Variants in ROBO1 observed in about 807,000 individuals in gnomAD.
ROBO1 encodes the protein roundabout guidance receptor 1.
ROBO1 carries 149 observed loss-of-function variants against 195.9 expected under a neutral mutation model. The observed-to-expected ratio is 0.76, with a 90% CI of 0.67 to 0.87. The LOEUF is 0.87. Among genes scored for constraint, ROBO1 ranks in the 40% least tolerant of loss-of-function variants. The pLI is 0.00. For missense variants in ROBO1, 1,933 were observed against 2,068.3 expected, an observed-to-expected ratio of 0.93 and a Z score of 1.27; for synonymous variants, 816 against 733.2, an observed-to-expected ratio of 1.11 and a Z score of -1.82.
At chr3:79,377,984 T>C (rs574872559) in intron 2 of ROBO1, among the ~76,000 whole-genome samples, 2 of 152,210 alleles carry the variant, frequency 1.3e-5, no homozygotes, top group Non-Finnish European at 1.5e-5. Flanking sequence ...GCAGTCCTCA[T>C]GTTCTTGCTC....
At chr3:78,960,787 C>CACAAAA (rs755381527) in intron 3 of ROBO1, among the ~76,000 whole-genome samples, 6,508 of 71,672 alleles carry the variant, frequency 0.091, 182 homozygotes, top group Non-Finnish European at 0.12. Flanking sequence ...AAAACACACA[C>CACAAAA]ACACACACAC....
At chr3:79,390,546 A>G (rs1184006753) in intron 2 of ROBO1, among the ~76,000 whole-genome samples, 1 of 152,194 alleles carries the variant, frequency 6.6e-6, no homozygotes, top group Non-Finnish European at 1.5e-5. Context: ...GTGTGACGTC[A>G]TGGAAGCCAA....
intron 3 of ROBO1, among the ~76,000 whole-genome samples, chr3:79,046,768 C>T (rs2078602355): frequency 6.6e-6 from 1 of 152,064 alleles, no homozygotes. Flanking sequence ...TTTCCCCAGC[C>T]CACTGACTCA....
chr3:78,773,185 C>G (rs1371830635), intron 4 of ROBO1, among the ~76,000 whole-genome samples: 1 of 151,950 alleles, frequency 6.6e-6, no homozygotes, highest in African/African-American at 2.4e-5. Flanking sequence ...GAGTTTAATA[C>G]TATTATTATC....
chr3:79,440,423 C>T (rs780685005), intron 2 of ROBO1, among the ~76,000 whole-genome samples: 1 of 152,044 alleles, frequency 6.6e-6, no homozygotes, highest in African/African-American at 2.4e-5. Context: ...AGCTTCTGCT[C>T]ATAATTTATG....
chr3:79,654,965 C>A (rs1362507514), intron 1 of ROBO1, among the ~76,000 whole-genome samples: 3 of 151,838 alleles, frequency 2.0e-5, no homozygotes, highest in African/African-American at 7.2e-5. Flanking sequence ...ATGGTTCAAT[C>A]CTAAAGTATA....
chr3:78,793,911 T>A (rs2084104508), intron 4 of ROBO1, among the ~76,000 whole-genome samples: 1 of 152,174 alleles, frequency 6.6e-6, no homozygotes, highest in Non-Finnish European at 1.5e-5. Context: ...ACTGAATTAT[T>A]TTAAAATATT....
At chr3:78,722,553 A>G (rs1412820746) in intron 5 of ROBO1, among the ~76,000 whole-genome samples, 1 of 152,200 alleles carries the variant, frequency 6.6e-6, no homozygotes, top group Non-Finnish European at 1.5e-5. Context: ...TTTTGTAACA[A>G]TAGCAGAGAT....
At chr3:78,690,218 G>A (rs1166367252) in intron 8 of ROBO1, among the ~76,000 whole-genome samples, 1 of 151,064 alleles carries the variant, frequency 6.6e-6, no homozygotes, top group Non-Finnish European at 1.5e-5. Context: ...TTGCATGGGG[G>A]CAAAATTGAA....
chr3:78,698,881 C>T (rs2081358271), intron 8 of ROBO1, among the ~76,000 whole-genome samples: 1 of 152,086 alleles, frequency 6.6e-6, no homozygotes, highest in Admixed American at 6.5e-5. Flanking sequence ...TGTCACTTTC[C>T]CAAAAAAGCA....
intron 1 of ROBO1, among the ~76,000 whole-genome samples, chr3:79,723,497 T>A (rs1560132815): frequency 6.6e-6 from 1 of 152,168 alleles, no homozygotes; most frequent in Non-Finnish European, 1.5e-5. Flanking sequence ...AAGATAAATG[T>A]ATAGGTGAAT....
intron 1 of ROBO1, among the ~76,000 whole-genome samples, chr3:79,706,509 A>G (rs1205408657): frequency 6.6e-6 from 1 of 152,098 alleles, no homozygotes; most frequent in Non-Finnish European, 1.5e-5. Flanking sequence ...TTTGTAATAG[A>G]TATGGTTTGG....
In ROBO1 at chr3:78,600,270, G is replaced by A. The variant is rs1181331762; in HGVS notation, c.4784C>T (p.Ser1595Leu). 1.9e-6 allele frequency: 3 copies of A among 1,612,990 alleles called. No individual in the cohort carries two copies. The highest frequency in any genetic ancestry group is 2.5e-6 in the Non-Finnish European group (3 of 1,179,130). ...LPYCRPTFPT[S>L]NNPRDPSSSS... ...GGAACTGGGATCTCTGGGATTATTTGATGTTGGAAAAGTAGGTCTACAATA... is the reference window on the plus strand; with the variant it reads ...GGAACTGGGATCTCTGGGATTATTTAATGTTGGAAAAGTAGGTCTACAATA... Residue 1595 changes from serine to leucine, a missense_variant, in exon 30 of 31, where the codon TCA (serine) becomes TTA (leucine). This residue lies in a region of ROBO1 where 1,737 missense variants were observed against 1,882.5 expected (regional missense o/e 0.92). Transcript: ENST00000464233.
intron 17 of ROBO1, 36 bp downstream of exon 17, chr3:78,659,650 T>C: frequency 1.5e-6 from 2 of 1,335,308 alleles, no homozygotes; most frequent in Non-Finnish European, 1.9e-6. Context: ...GGGCTGCCCA[T>C]CAGGACATTA....
chr3:79,433,607 G>A (rs146279439), intron 2 of ROBO1, among the ~76,000 whole-genome samples: 1,912 of 152,118 alleles, frequency 0.013, 45 homozygotes, highest in African/African-American at 0.043. Flanking sequence ...AATCAGTATC[G>A]TGAAATTGGC....
At chr3:79,463,189 C>A (rs976604384) in intron 2 of ROBO1, among the ~76,000 whole-genome samples, 7 of 151,858 alleles carry the variant, frequency 4.6e-5, no homozygotes, top group African/African-American at 1.5e-4. Flanking sequence ...CTGGCTAACA[C>A]GGTGAAACCC....
chr3:78,621,965 C>A (rs979700292), intron 26 of ROBO1, among the ~76,000 whole-genome samples: 2 of 152,176 alleles, frequency 1.3e-5, no homozygotes, highest in African/African-American at 2.4e-5. Flanking sequence ...ATTACCTCAA[C>A]TTATCTGTAT....
chr3:79,334,735 ATT>A (rs11364294), intron 2 of ROBO1, among the ~76,000 whole-genome samples: 41 of 147,450 alleles, frequency 2.8e-4, no homozygotes, highest in African/African-American at 5.9e-4. Context: ...TTTATACCAC[ATT>A]TTTTTTTTTT....
chr3:79,356,643 A>G (rs2035566111), intron 2 of ROBO1, among the ~76,000 whole-genome samples: 1 of 152,190 alleles, frequency 6.6e-6, no homozygotes, highest in African/African-American at 2.4e-5. Flanking sequence ...TAAGGTAACA[A>G]AATGTTGACA....
Sources: allele counts gnomAD v4.1 joint callset (sites outside exome capture counted in the v4.1 genomes callset), GRCh38; gene constraint gnomAD v4.1.1; regional missense constraint gnomAD v4.1.1; transcripts MANE v1.5; gene names NCBI Gene and HGNC (gene_info 2026-07-23, HGNC 2026-07-21).